The following TPST1 variants were observed in gnomAD, a reference collection of about 807,000 sequenced individuals.
The protein encoded by TPST1 is tyrosylprotein sulfotransferase 1, also known as protein-tyrosine sulfotransferase 1.
Under a neutral mutation model 34.8 loss-of-function variants are expected in TPST1, and 20 were observed. The observed-to-expected ratio is 0.57, with a 90% confidence interval of 0.40 to 0.84. The LOEUF is 0.84. TPST1 is among the 40% of genes least tolerant of loss of function. The pLI is 0.00. For missense variants in TPST1, 353 were observed against 455.5 expected (o/e 0.78, Z 2.05); for synonymous variants, 152 against 159.4 (o/e 0.95, Z 0.35).
intron 3 of TPST1, among the ~76,000 whole-genome samples, chr7:66,324,301 T>C (rs1208899618): frequency 6.6e-6 from 1 of 152,192 alleles, no homozygotes; most frequent in Non-Finnish European, 1.5e-5. Context: ...AAAGGATACA[T>C]TATGACTAGA....
At chr7:66,239,325 A>C (rs1789978166) in intron 1 of TPST1, among the ~76,000 whole-genome samples, 1 of 152,154 alleles carries the variant, frequency 6.6e-6, no homozygotes, top group Non-Finnish European at 1.5e-5. Flanking sequence ...TCCTCAGGTC[A>C]ATTACATGCT....
intron 1 of TPST1, among the ~76,000 whole-genome samples, chr7:66,224,298 C>G (rs1789604421): frequency 6.6e-6 from 1 of 152,136 alleles, no homozygotes; most frequent in Non-Finnish European, 1.5e-5. Flanking sequence ...ATTATTTTTC[C>G]TTTTGCTAAC....
chr7:66,273,718 T>C (rs1028556342), intron 2 of TPST1, among the ~76,000 whole-genome samples: 2 of 152,038 alleles, frequency 1.3e-5, no homozygotes, highest in African/African-American at 4.8e-5. Flanking sequence ...GATATCCACA[T>C]GAGAAGAATG....
chr7:66,210,058 A>G (rs143510776), intron 1 of TPST1, among the ~76,000 whole-genome samples: 91 of 152,270 alleles, frequency 6.0e-4, no homozygotes, highest in East Asian at 1.4e-3. Context: ...ACAAAGACCA[A>G]TAGGTGGTCA....
rs1562810166 is a variant in TPST1 at position 66,240,726 on chromosome 7, A to G, written c.301A>G (p.Thr101Ala). ...TCCTGACATTCGCTGTGGAGAGGAAACCAGGGTCATTCCCCGAATCCTGGC... is the reference window on the plus strand; with the variant it reads ...TCCTGACATTCGCTGTGGAGAGGAAGCCAGGGTCATTCCCCGAATCCTGGC... ...AHPDIRCGEE[T>A]RVIPRILALK... is the part of the protein sequence containing the mutation. Residue 101 changes from threonine (T) to alanine (A), a missense_variant, in exon 2 of 6, where the codon ACC becomes GCC. Coordinates refer to ENST00000304842, the MANE Select transcript of TPST1 (RefSeq NM_003596.4). 2 of 1,614,148 alleles carry G rather than the reference A, an allele frequency of 1.2e-6. No individual in the cohort carries two copies. The highest frequency in any genetic ancestry group is 1.7e-6 in the Non-Finnish European group (2 of 1,180,028).
chr7:66,356,432 C>T (rs899808170), intron 4 of TPST1, among the ~76,000 whole-genome samples: 17 of 152,190 alleles, frequency 1.1e-4, no homozygotes, highest in African/African-American at 4.1e-4. Flanking sequence ...TTGATCAAAT[C>T]GTTGGTCATG....
intron 3 of TPST1, among the ~76,000 whole-genome samples, chr7:66,327,691 C>A: frequency 6.6e-6 from 1 of 150,840 alleles, no homozygotes; most frequent in East Asian, 1.9e-4. Context: ...CTACTGTACT[C>A]CAGCCTGGGT....
At chr7:66,277,123 A>G (rs1212727329) in intron 2 of TPST1, among the ~76,000 whole-genome samples, 1 of 152,094 alleles carries the variant, frequency 6.6e-6, no homozygotes, top group Non-Finnish European at 1.5e-5. Context: ...TAATTAGCCC[A>G]ATTCTGATTC....
chr7:66,307,895 A>G (rs1253464739), intron 3 of TPST1, among the ~76,000 whole-genome samples: 1 of 152,228 alleles, frequency 6.6e-6, no homozygotes, highest in African/African-American at 2.4e-5. Flanking sequence ...GAGATTATAC[A>G]TTGGTCATCA....
intron 1 of TPST1, among the ~76,000 whole-genome samples, chr7:66,215,311 C>G: frequency 6.7e-6 from 1 of 150,254 alleles, no homozygotes; most frequent in Non-Finnish European, 1.5e-5. Flanking sequence ...CCTCAACCTC[C>G]CCTCCCAAAG....
intron 2 of TPST1, among the ~76,000 whole-genome samples, chr7:66,259,153 G>A (rs934048880): frequency 2.2e-4 from 34 of 152,096 alleles, no homozygotes; most frequent in African/African-American, 8.0e-4. Context: ...GTGAGTAGGT[G>A]TGGATTCCTT....
intron 1 of TPST1, among the ~76,000 whole-genome samples, chr7:66,239,089 C>A (rs1030274076): frequency 6.6e-6 from 1 of 152,226 alleles, no homozygotes; most frequent in African/African-American, 2.4e-5. Context: ...CCTAATTATG[C>A]TGTGTTCTGT....
chr7:66,248,213 T>G (rs896104314), intron 2 of TPST1, among the ~76,000 whole-genome samples: 1 of 152,142 alleles, frequency 6.6e-6, no homozygotes, highest in African/African-American at 2.4e-5. Context: ...GCTAAAGATA[T>G]TGAATTTTAA....
chr7:66,241,337 G>A (rs1790032010), intron 2 of TPST1, 67 bp downstream of exon 2: 6 of 1,518,600 alleles, frequency 4.0e-6, no homozygotes, highest in Middle Eastern at 1.8e-4. Flanking sequence ...ACATATGTAT[G>A]TATGTGTTTT....
chr7:66,339,853 ATC>A (rs1279148499), intron 3 of TPST1, among the ~76,000 whole-genome samples: 4 of 151,112 alleles, frequency 2.6e-5, no homozygotes, highest in Non-Finnish European at 4.4e-5. Flanking sequence ...AAAAAAAAAA[ATC>A]ATCATGATAA....
chr7:66,223,694 T>C (rs776446219), intron 1 of TPST1, among the ~76,000 whole-genome samples: 3 of 152,174 alleles, frequency 2.0e-5, no homozygotes, highest in Non-Finnish European at 4.4e-5. Context: ...TTCAATTTTT[T>C]ATTTTGTTTT....
chr7:66,308,442 A>G (rs7792391), intron 3 of TPST1, among the ~76,000 whole-genome samples: 136,451 of 152,174 alleles, frequency 0.9, 61,354 homozygotes, highest in African/African-American at 0.94. Context: ...GGCAGCTCTA[A>G]TGTAACCCCT....
chr7:66,357,073 T>C (rs190470557), intron 5 of TPST1, among the ~76,000 whole-genome samples: 3 of 152,194 alleles, frequency 2.0e-5, no homozygotes, highest in Admixed American at 1.3e-4. Flanking sequence ...GAGGATAATA[T>C]TAACAAGAGC....
intron 2 of TPST1, among the ~76,000 whole-genome samples, chr7:66,282,044 A>G (rs574928573): frequency 8.5e-5 from 13 of 152,318 alleles, no homozygotes; most frequent in South Asian, 4.2e-4. Flanking sequence ...GTGTATTGAA[A>G]TGTACCAGTC....
Sources: allele counts gnomAD v4.1 joint callset (sites outside exome capture counted in the v4.1 genomes callset), GRCh38; gene constraint gnomAD v4.1.1; transcripts MANE v1.5; gene names NCBI Gene and HGNC (gene_info 2026-07-23, HGNC 2026-07-21).